Variants in SLIT3 observed in about 807,000 individuals in gnomAD.
The protein encoded by SLIT3 is slit homolog 3 protein.
SLIT3 carries 68 observed loss-of-function variants against 184.0 expected under a neutral mutation model. The ratio of observed to expected loss-of-function variants is 0.37; its 90% CI spans 0.30 to 0.45. SLIT3 has a LOEUF of 0.45. Ranked by LOEUF, SLIT3 falls within the 20% of genes least tolerant of loss-of-function variation. The probability of loss-of-function intolerance (pLI) is 1.00; values close to 1 mark genes in which losing one functional copy is unlikely to be tolerated. For missense variants in SLIT3, 1,707 were observed against 2,026.0 expected, an observed-to-expected ratio of 0.84 and a Z score of 3.02; for synonymous variants, 831 against 828.6, an observed-to-expected ratio of 1.00 and a Z score of -0.05.
intron 1 of SLIT3, among the ~76,000 whole-genome samples, chr5:169,256,702 C>T (rs1246072077): frequency 6.6e-6 from 1 of 152,174 alleles, no homozygotes; most frequent in Admixed American, 6.5e-5. Flanking sequence ...ATTCACATGG[C>T]TTTTGGTGGC....
chr5:169,050,765 T>C (rs1419051626), intron 4 of SLIT3, among the ~76,000 whole-genome samples: 2 of 152,012 alleles, frequency 1.3e-5, no homozygotes, highest in African/African-American at 4.8e-5. Flanking sequence ...ATTTCCTTTC[T>C]GAAGAGGAAG....
intron 9 of SLIT3, 114 bp from the exon 10 acceptor site, chr5:168,795,692 G>A (rs1435930814): frequency 4.8e-6 from 4 of 825,352 alleles, no homozygotes; most frequent in Non-Finnish European, 8.4e-6. Context: ...TGTCACAGGT[G>A]CACGGTCTGG....
chr5:169,300,533 G>A lies in SLIT3; in HGVS notation c.177C>T (p.Ile59=), dbSNP rs1358777319. The change falls in exon 1 of 36, where the codon ATC becomes ATT. Residue 59 remains isoleucine (I), a synonymous_variant. Transcript: ENST00000519560. This position sits in a 1 kb window ranked among gnomAD's most constrained non-coding sequence, Gnocchi z 4.1. ...CTCACAGGCGCTCAGCGTTGCGGGG[G>A]ATGCCCCGAGGAACCGCGCGGAGGC... ...GLGLRAVPRG[I]PRNAERLDLD... 1.3e-6 allele frequency: 2 copies of A among 1,508,204 alleles called. No individual in the cohort carries two copies. The highest frequency in any genetic ancestry group is 1.8e-6 in the Non-Finnish European group (2 of 1,131,470). The allele number at this position is 1,508,204 out of a possible 1,614,324, so 93.4% of individuals were successfully genotyped here. A position where few individuals can be genotyped will look rare whatever the true frequency, so the allele number is the denominator to read the frequency against.
At chr5:169,073,456 C>G (rs902998601) in intron 4 of SLIT3, among the ~76,000 whole-genome samples, 2 of 151,938 alleles carry the variant, frequency 1.3e-5, no homozygotes, top group Admixed American at 1.3e-4. Context: ...GGGGAATTCT[C>G]CATTCTCTGG....
chr5:168,718,708 A>T (rs1382599377), intron 23 of SLIT3, among the ~76,000 whole-genome samples: 14 of 138,668 alleles, frequency 1.0e-4, no homozygotes, highest in African/African-American at 4.0e-4. Flanking sequence ...ACACACACAC[A>T]CACACACACA....
intron 4 of SLIT3, among the ~76,000 whole-genome samples, chr5:169,001,167 T>C (rs1755690940): frequency 6.6e-6 from 1 of 152,182 alleles, no homozygotes; most frequent in South Asian, 2.1e-4. Flanking sequence ...CTGATGAGGA[T>C]GAAATGAAAA....
intron 1 of SLIT3, among the ~76,000 whole-genome samples, chr5:169,278,209 A>G (rs1426090407): frequency 6.6e-6 from 1 of 152,184 alleles, no homozygotes; most frequent in Non-Finnish European, 1.5e-5. Context: ...AACTGAGATC[A>G]CAAATAGGGG....
chr5:169,000,810 A>G (rs1453298781), intron 4 of SLIT3, among the ~76,000 whole-genome samples: 1 of 152,364 alleles, frequency 6.6e-6, no homozygotes, highest in African/African-American at 2.4e-5. Context: ...TGGCTATTCA[A>G]TTACAACTGA....
At chr5:169,211,064 CAAATA>C (rs906551908) in intron 3 of SLIT3, among the ~76,000 whole-genome samples, 5 of 152,054 alleles carry the variant, frequency 3.3e-5, no homozygotes, top group African/African-American at 9.7e-5. Context: ...GCCAAGAACC[CAAATA>C]GAAGGAGAAG....
At chr5:169,161,484 G>A (rs913919657) in intron 4 of SLIT3, among the ~76,000 whole-genome samples, 3 of 152,050 alleles carry the variant, frequency 2.0e-5, no homozygotes, top group African/African-American at 4.8e-5. Flanking sequence ...GCATCCTGCC[G>A]CCTCCACTCC....
At chr5:168,764,523 T>C (rs141824728) in intron 14 of SLIT3, among the ~76,000 whole-genome samples, 298 of 152,226 alleles carry the variant, frequency 2.0e-3, no homozygotes, top group Non-Finnish European at 3.1e-3. Context: ...GTGGATTGAA[T>C]GGGGTATTTT....
intron 1 of SLIT3, among the ~76,000 whole-genome samples, chr5:169,271,514 T>TG (rs1203816218): frequency 6.6e-6 from 1 of 152,172 alleles, no homozygotes; most frequent in African/African-American, 2.4e-5. Context: ...ACGGTGCTGG[T>TG]GCACGGGGCA....
intron 1 of SLIT3, among the ~76,000 whole-genome samples, chr5:169,252,421 G>C (rs899008146): frequency 2.0e-5 from 3 of 152,188 alleles, no homozygotes; most frequent in African/African-American, 7.2e-5. Flanking sequence ...AGTGAGGGTG[G>C]AGGGCAGCAT....
chr5:169,211,093 C>G (rs1365436966), intron 3 of SLIT3, among the ~76,000 whole-genome samples: 1 of 152,150 alleles, frequency 6.6e-6, no homozygotes, highest in African/African-American at 2.4e-5. Context: ...CAAGGATATT[C>G]CTGAACCCAA....
intron 4 of SLIT3, among the ~76,000 whole-genome samples, chr5:168,924,348 T>A (rs1332134493): frequency 6.6e-6 from 1 of 152,166 alleles, no homozygotes; most frequent in Non-Finnish European, 1.5e-5. Flanking sequence ...CTCTCCTTCC[T>A]GCGGGTTGGG....
chr5:169,203,062 G>A (rs572452300), intron 3 of SLIT3, among the ~76,000 whole-genome samples: 12 of 152,264 alleles, frequency 7.9e-5, no homozygotes, highest in African/African-American at 2.9e-4. Context: ...TCTACACAGA[G>A]GTGGAAAATC....
intron 4 of SLIT3, among the ~76,000 whole-genome samples, chr5:169,058,289 C>A (rs545987984): frequency 1.3e-5 from 2 of 152,204 alleles, no homozygotes; most frequent in Non-Finnish European, 2.9e-5. Flanking sequence ...ATTCCAACAC[C>A]GATTCTTTGT....
intron 4 of SLIT3, among the ~76,000 whole-genome samples, chr5:169,002,322 C>CAAAAAAATAAAAAAAAAAAAA (rs1755732471): frequency 4.1e-5 from 1 of 24,198 alleles, no homozygotes; most frequent in African/African-American, 1.4e-4. Context: ...GACTCTGTCT[C>CAAAAAAATAAAAAAAAAAAAA]AAAAAAAAAA....
At chr5:168,849,374 C>G (rs1210000923) in intron 5 of SLIT3, among the ~76,000 whole-genome samples, 1 of 152,210 alleles carries the variant, frequency 6.6e-6, no homozygotes. Flanking sequence ...CCTCCTCATG[C>G]TAAATGGGAG....
Sources: gnomAD v4.1 joint callset for allele counts (sites outside exome capture counted in the v4.1 genomes callset) on GRCh38, gnomAD v4.1.1 for gene constraint, Gnocchi (gnomAD v3.1) non-coding constraint, MANE v1.5 for transcripts, NCBI Gene and HGNC (gene_info 2026-07-23, HGNC 2026-07-21) for gene names.